The following HSD17B2 variants were observed in gnomAD, a reference collection of about 807,000 sequenced individuals.
HSD17B2 encodes 17-beta-hydroxysteroid dehydrogenase type 2.
Under a neutral mutation model 26.9 loss-of-function variants are expected in HSD17B2, and 32 were observed. The ratio of observed to expected loss-of-function variants is 1.19; its 90% CI spans 0.90 to 1.60. HSD17B2 has a LOEUF of 1.60. Ranked by LOEUF, HSD17B2 falls within the 40% of genes most tolerant of loss-of-function variation. The pLI is 0.00. For synonymous variants in HSD17B2, 246 were observed against 186.7 expected, an observed-to-expected ratio of 1.32 and a Z score of -2.59; for missense variants, 613 against 468.6, an observed-to-expected ratio of 1.31 and a Z score of -2.85.
chr16:82,064,386 A>T (rs898514289), intron 1 of HSD17B2, among the ~76,000 whole-genome samples: 2 of 151,976 alleles, frequency 1.3e-5, no homozygotes, highest in African/African-American at 4.8e-5. Flanking sequence ...TGGGTATACC[A>T]TATTTTTTAT....
chr16:82,087,568 A>T (rs934055686), intron 3 of HSD17B2, among the ~76,000 whole-genome samples: 3 of 152,242 alleles, frequency 2.0e-5, no homozygotes, highest in African/African-American at 7.2e-5. Flanking sequence ...AAGACAAATG[A>T]GTCTTAAATG....
At chr16:82,058,309 G>A (rs1022276794) in intron 1 of HSD17B2, among the ~76,000 whole-genome samples, 3 of 151,998 alleles carry the variant, frequency 2.0e-5, no homozygotes, top group Non-Finnish European at 4.4e-5. Flanking sequence ...GGGCTCAAGC[G>A]ATTCTCCTGC....
chr16:82,047,252 A>G (rs951215885), intron 1 of HSD17B2, among the ~76,000 whole-genome samples: 1 of 152,186 alleles, frequency 6.6e-6, no homozygotes, highest in Admixed American at 6.5e-5. Context: ...GGGGTTTGTT[A>G]CCTGGCTACC....
At chr16:82,075,762 T>C (rs1160842658) in intron 3 of HSD17B2, among the ~76,000 whole-genome samples, 1 of 152,066 alleles carries the variant, frequency 6.6e-6, no homozygotes, top group East Asian at 1.9e-4. Context: ...ACCTCATGGC[T>C]TCACTGCTGA....
chr16:82,062,228 A>G (rs893680321), intron 1 of HSD17B2, among the ~76,000 whole-genome samples: 13 of 152,304 alleles, frequency 8.5e-5, no homozygotes, highest in East Asian at 1.9e-4. Flanking sequence ...ATTCACTCCA[A>G]TCTTGTACAA....
intron 1 of HSD17B2, among the ~76,000 whole-genome samples, chr16:82,065,801 A>T (rs1914556810): frequency 6.6e-6 from 1 of 152,224 alleles, no homozygotes; most frequent in Non-Finnish European, 1.5e-5. Context: ...GATCCAATAG[A>T]GTCCAGGTCG....
At chr16:82,070,461 G>A (rs781076498) in intron 2 of HSD17B2, among the ~76,000 whole-genome samples, 1 of 152,138 alleles carries the variant, frequency 6.6e-6, no homozygotes, top group Non-Finnish European at 1.5e-5. Flanking sequence ...CATCTTCACA[G>A]CATTCACATT....
chr16:82,041,055 G>A (rs915379138), intron 1 of HSD17B2, among the ~76,000 whole-genome samples: 2 of 152,122 alleles, frequency 1.3e-5, no homozygotes, highest in Non-Finnish European at 2.9e-5. Context: ...GATAACCCGG[G>A]TAATTTTGTG....
intron 4 of HSD17B2, 164 bp downstream of exon 4, chr16:82,091,203 A>G (rs1206812400): frequency 1.3e-6 from 1 of 749,508 alleles, no homozygotes; most frequent in East Asian, 2.5e-5. Flanking sequence ...GTAACTGCTG[A>G]CAGTAGGGGA....
At chr16:82,042,436 T>C (rs141061835) in intron 1 of HSD17B2, among the ~76,000 whole-genome samples, 3 of 152,272 alleles carry the variant, frequency 2.0e-5, no homozygotes, top group Non-Finnish European at 2.9e-5. Flanking sequence ...GTAAGTTCCA[T>C]GCAAACTGGA....
rs891101384 is a variant in HSD17B2 at position 82,097,258 on chromosome 16, GTC to G, written c.803-815_803-814del. ...TGTCTATGTCTATGTCTATGTCTAT[GTC>G]TATGTCTATGTGTGTGTATGTGTGT... On this transcript the variant is annotated intron_variant, in intron 4 of 4. Transcript: ENST00000199936. The G allele has an allele frequency of 5.1e-3, 738 of 143,522 alleles. 3 individuals are homozygous for G. The highest frequency in any genetic ancestry group is 0.021 in the South Asian group (80 of 3,730). The allele number at this position is 143,522 out of a possible 1,614,324, so 8.9% of individuals were successfully genotyped here.
chr16:82,043,279 A>G (rs1913817004), intron 1 of HSD17B2, among the ~76,000 whole-genome samples: 1 of 152,178 alleles, frequency 6.6e-6, no homozygotes, highest in Admixed American at 6.5e-5. Context: ...ATCTGGCCAC[A>G]TGCAAGGGGT....
intron 1 of HSD17B2, chr16:82,044,559 C>T (rs1567577422): frequency 6.6e-6 from 1 of 152,340 alleles, no homozygotes; most frequent in African/African-American, 2.4e-5. Flanking sequence ...ATTTTCTCCT[C>T]TCCTTCTCAG....
intron 4 of HSD17B2, chr16:82,093,142 C>T (rs190908540): frequency 6.6e-6 from 1 of 152,232 alleles, no homozygotes; most frequent in Admixed American, 6.5e-5. Context: ...TATTATAAAT[C>T]CTCTTGTACT....
chr16:82,071,423 G>GAAATCT, intron 3 of HSD17B2: 1 of 454,506 alleles, frequency 2.2e-6, no homozygotes, highest in Non-Finnish European at 4.1e-6. Flanking sequence ...ATTTGTACAG[G>GAAATCT]AAATCTCACA....
chr16:82,068,484 G>T, intron 2 of HSD17B2, 102 bp downstream of exon 2: 1 of 967,868 alleles, frequency 1.0e-6, no homozygotes, highest in Non-Finnish European at 1.5e-6. Flanking sequence ...TCTGGGCACT[G>T]TTTGCCCTGA....
intron 1 of HSD17B2, among the ~76,000 whole-genome samples, chr16:82,045,886 A>C (rs8049423): frequency 0.053 from 8,068 of 152,252 alleles, 714 homozygotes; most frequent in African/African-American, 0.18. Context: ...GATTCTTCTC[A>C]GTCCTGATAA....
intron 3 of HSD17B2, among the ~76,000 whole-genome samples, chr16:82,079,722 T>C (rs139636631): frequency 3.0e-4 from 45 of 152,052 alleles, no homozygotes; most frequent in Admixed American, 7.2e-4. Context: ...ATAGAAAAGA[T>C]TTTGAGCCGG....
At chr16:82,071,355 G>T (rs963395511) in intron 3 of HSD17B2, 1 of 585,560 alleles carries the variant, frequency 1.7e-6, no homozygotes, top group African/African-American at 1.9e-5. Flanking sequence ...TTTGTTACTG[G>T]GGATTTAGGG....
Sources: gnomAD v4.1 joint callset for allele counts (sites outside exome capture counted in the v4.1 genomes callset) on GRCh38, gnomAD v4.1.1 for gene constraint, MANE v1.5 for transcripts, NCBI Gene and HGNC (gene_info 2026-07-23, HGNC 2026-07-21) for gene names.